Variants in ATXN1 observed in about 807,000 individuals in gnomAD.
The protein encoded by ATXN1 is ataxin 1, also known as ataxin-1.
A neutral mutation model predicts 56.4 loss-of-function variants in ATXN1; 8 were observed. The ratio of observed to expected loss-of-function variants is 0.14; its 90% CI spans 0.08 to 0.26. The LOEUF (loss-of-function observed/expected upper bound fraction) is 0.26, where lower values mean the gene tolerates loss of function less well. ATXN1 is among the 10% of genes least tolerant of loss of function. The probability of loss-of-function intolerance (pLI) is 1.00; values close to 1 mark genes in which losing one functional copy is unlikely to be tolerated. For synonymous variants in ATXN1, 514 were observed against 494.6 expected (o/e 1.04, Z -0.52); for missense variants, 987 against 1,106.5 (o/e 0.89, Z 1.53).
At chr6:16,380,346 T>C (rs1581724904) in intron 6 of ATXN1, among the ~76,000 whole-genome samples, 1 of 152,314 alleles carries the variant, frequency 6.6e-6, no homozygotes, top group Non-Finnish European at 1.5e-5. Context: ...AACCCTTAAA[T>C]ATCATTCTCT....
At chr6:16,569,193 T>A (rs1178047580) in intron 4 of ATXN1, among the ~76,000 whole-genome samples, 1 of 152,088 alleles carries the variant, frequency 6.6e-6, no homozygotes. Flanking sequence ...CATAAGGGAC[T>A]GTCAGTTCAG....
At chr6:16,640,016 G>A (rs1000522422) in intron 3 of ATXN1, among the ~76,000 whole-genome samples, 7 of 151,934 alleles carry the variant, frequency 4.6e-5, no homozygotes, top group African/African-American at 1.2e-4. Flanking sequence ...TGCAACAGGC[G>A]CATCTCATTT....
chr6:16,414,260 T>C (rs1053200013), intron 6 of ATXN1, among the ~76,000 whole-genome samples: 6 of 152,122 alleles, frequency 3.9e-5, no homozygotes, highest in South Asian at 2.1e-4. Flanking sequence ...CCTCAGCATA[T>C]TGTACCCTAA....
At chr6:16,468,641 G>A (rs1235909767) in intron 6 of ATXN1, among the ~76,000 whole-genome samples, 2 of 152,176 alleles carry the variant, frequency 1.3e-5, no homozygotes, top group African/African-American at 2.4e-5. Flanking sequence ...GGTATATACT[G>A]AAGTACACAG....
chr6:16,375,605 C>T (rs908866111), intron 6 of ATXN1, among the ~76,000 whole-genome samples: 13 of 152,196 alleles, frequency 8.5e-5, no homozygotes, highest in Non-Finnish European at 1.8e-4. Context: ...CTGGGTGGTA[C>T]CCACTTGTCA....
chr6:16,335,551 A>G (rs1761100986), intron 6 of ATXN1, among the ~76,000 whole-genome samples: 2 of 152,264 alleles, frequency 1.3e-5, no homozygotes, highest in Admixed American at 6.5e-5. Flanking sequence ...GACATAAAAA[A>G]TAAATAATTT....
At chr6:16,417,438 C>CTTTTTTTTTTTTTTTTTT (rs1758933616) in intron 6 of ATXN1, among the ~76,000 whole-genome samples, 2 of 138,614 alleles carry the variant, frequency 1.4e-5, no homozygotes, top group Non-Finnish European at 1.6e-5. Flanking sequence ...TTACAAGTTT[C>CTTTTTTTTTTTTTTTTTT]TTATTTTTTT....
chr6:16,744,851 A>C (rs942781457), intron 2 of ATXN1, among the ~76,000 whole-genome samples: 59 of 152,332 alleles, frequency 3.9e-4, no homozygotes, highest in African/African-American at 1.4e-3. Flanking sequence ...GATCATATAA[A>C]AACTTGAACC....
At chr6:16,706,630 C>CA (rs1158400257) in intron 2 of ATXN1, among the ~76,000 whole-genome samples, 1 of 150,536 alleles carries the variant, frequency 6.6e-6, no homozygotes, top group Non-Finnish European at 1.5e-5. Flanking sequence ...GAGACTGAGG[C>CA]AGGAGAATTG....
intron 5 of ATXN1, among the ~76,000 whole-genome samples, chr6:16,501,366 T>C (rs950105088): frequency 6.6e-6 from 1 of 152,232 alleles, no homozygotes; most frequent in Non-Finnish European, 1.5e-5. Flanking sequence ...TGCAGGTTTG[T>C]TACATAGGTA....
intron 4 of ATXN1, among the ~76,000 whole-genome samples, chr6:16,529,891 AT>A (rs1761469652): frequency 6.6e-6 from 1 of 152,212 alleles, no homozygotes; most frequent in South Asian, 2.1e-4. Flanking sequence ...ATTTTACATC[AT>A]TTATCTCTGT....
intron 2 of ATXN1, among the ~76,000 whole-genome samples, chr6:16,713,241 T>A (rs1377351838): frequency 6.6e-6 from 1 of 152,144 alleles, no homozygotes. Flanking sequence ...CATGAATAAG[T>A]TTCAATACAA....
intron 7 of ATXN1, among the ~76,000 whole-genome samples, chr6:16,312,401 C>T (rs1310650025): frequency 6.6e-6 from 1 of 151,700 alleles, no homozygotes; most frequent in Non-Finnish European, 1.5e-5. Context: ...TAACTAACTC[C>T]ATTTTTGTTT....
chr6:16,299,125 G>A lies in ATXN1; in HGVS notation c.*7204C>T, dbSNP rs1760015343. ...AAGACACACATCTGCAATTGGCACT[G>A]TTATTTTATTAGTACGAGTATACTG... On this transcript the variant is annotated 3_prime_UTR_variant, in exon 8 of 8. Transcript: ENST00000436367. 6.6e-6 allele frequency: 1 copy of A among 152,622 alleles called. No homozygotes were observed. Among genetic ancestry groups the A allele is most frequent in the African/African-American group, 2.4e-5 (1 of 41,446 alleles). 9.5% of individuals were successfully genotyped at this position (152,622 alleles called of 1,614,324 possible). A position where few individuals can be genotyped will look rare whatever the true frequency, so the allele number is the denominator to read the frequency against.
intron 6 of ATXN1, among the ~76,000 whole-genome samples, chr6:16,361,349 AT>A (rs1200916902): frequency 6.6e-6 from 1 of 152,190 alleles, no homozygotes; most frequent in Non-Finnish European, 1.5e-5. Context: ...ACCATTTGGT[AT>A]TCATTATTTT....
intron 2 of ATXN1, among the ~76,000 whole-genome samples, chr6:16,681,538 A>G (rs1581360512): frequency 6.6e-6 from 1 of 152,262 alleles, no homozygotes; most frequent in Admixed American, 6.5e-5. Context: ...TCCGCCATCA[A>G]TGAGCAATAA....
chr6:16,746,493 T>C (rs1760541199), intron 2 of ATXN1, among the ~76,000 whole-genome samples: 1 of 152,214 alleles, frequency 6.6e-6, no homozygotes, highest in South Asian at 2.1e-4. Flanking sequence ...AAGCAGAATA[T>C]GGCCCTTGAT....
chr6:16,551,766 T>G (rs192095366), intron 4 of ATXN1, among the ~76,000 whole-genome samples: 3 of 152,222 alleles, frequency 2.0e-5, no homozygotes, highest in African/African-American at 4.8e-5. Context: ...TACACAGCTA[T>G]CCTGCTGTGG....
chr6:16,595,807 T>C (rs1762803810), intron 3 of ATXN1, among the ~76,000 whole-genome samples: 1 of 152,154 alleles, frequency 6.6e-6, no homozygotes, highest in South Asian at 2.1e-4. Flanking sequence ...TTGAGATTTT[T>C]TGGTGACTAT....
Sources: allele counts gnomAD v4.1 joint callset (sites outside exome capture counted in the v4.1 genomes callset), GRCh38; gene constraint gnomAD v4.1.1; transcripts MANE v1.5; gene names NCBI Gene and HGNC (gene_info 2026-07-23, HGNC 2026-07-21).